Variants in SDHA observed in about 807,000 individuals in gnomAD.
SDHA encodes the protein succinate dehydrogenase [ubiquinone] flavoprotein subunit, mitochondrial.
In SDHA, 48 loss-of-function variants were observed where a neutral mutation model predicts 78.4. The observed-to-expected ratio is 0.61, with a 90% CI of 0.49 to 0.78. The LOEUF is 0.78. SDHA is among the 30% of genes least tolerant of loss of function. The pLI, the probability that SDHA is intolerant of heterozygous loss-of-function variation, is 0.00. For synonymous variants in SDHA, 326 were observed against 353.9 expected, an observed-to-expected ratio of 0.92 and a Z score of 0.88; for missense variants, 680 against 892.7, an observed-to-expected ratio of 0.76 and a Z score of 3.04.
the SDHA span, among the ~76,000 whole-genome samples, chr5:267,960 C>A: frequency 6.6e-6 from 1 of 152,128 alleles, no homozygotes; most frequent in Non-Finnish European, 1.5e-5. Context: ...ATTGGCAATA[C>A]CCCCACCTCT....
At chr5:227,755 A>T (rs113846618) in intron 5 of SDHA, 46,685 of 254,660 alleles carry the variant, frequency 0.18, 7,566 homozygotes, top group African/African-American at 0.52. Flanking sequence ...CTAATGTGGC[A>T]GGTGTAGCTG....
At chr5:262,203 C>A in the SDHA span, among the ~76,000 whole-genome samples, 1 of 71,312 alleles carries the variant, frequency 1.4e-5, no homozygotes, top group South Asian at 4.7e-4. Flanking sequence ...AGAGCATTAC[C>A]GTGTGAGCTC....
intron 11 of SDHA, among the ~76,000 whole-genome samples, chr5:245,949 G>A (rs1008467067): frequency 1.8e-4 from 27 of 151,410 alleles, no homozygotes; most frequent in Non-Finnish European, 3.1e-4. Flanking sequence ...ACTAGCCCTC[G>A]GCTATGCCAT....
At chr5:259,439 A>G (rs1406946784), downstream of SDHA, among the ~76,000 whole-genome samples, 30 of 12,554 alleles carry the variant, frequency 2.4e-3, no homozygotes, top group East Asian at 5.5e-3. Context: ...CCGCCTCCCG[A>G]CAGAGCATTA....
rs774160524 is a variant in SDHA, at chr5:228,269, G to A, written c.706G>A (p.Ala236Thr). ...MENGECRGVI[A>T]LCIEDGSIHR... ...GAATGGGGAGTGCCGTGGTGTCATC[G>A]CACTGTGCATAGAGGACGGGTCCAT... The change falls in exon 6 of 15, where the codon GCA (alanine) becomes ACA (threonine). Residue 236 changes from alanine (A) to threonine (T), a missense_variant. Coordinates refer to ENST00000264932, the MANE Select transcript of SDHA (RefSeq NM_004168.4). 2.6e-5 allele frequency: 42 copies of A among 1,613,570 alleles called. No homozygotes were observed. In the East Asian group the frequency reaches 3.8e-4, roughly 15 times the overall value.
chr5:264,965 T>G, the SDHA span, among the ~76,000 whole-genome samples: 3 of 152,310 alleles, frequency 2.0e-5, no homozygotes, highest in East Asian at 5.8e-4. Context: ...CCCAGCACTT[T>G]GGGAGGCCGA....
At chr5:254,587 G>C in intron 14 of SDHA, 81 bp downstream of exon 14, 3 of 1,481,536 alleles carry the variant, frequency 2.0e-6, no homozygotes, top group Non-Finnish European at 2.7e-6. Flanking sequence ...TGCTGATGGT[G>C]AACGGGGAAG....
At chr5:266,789 C>T in the SDHA span, among the ~76,000 whole-genome samples, 5,529 of 132,002 alleles carry the variant, frequency 0.042, 82 homozygotes, top group Admixed American at 0.058. Context: ...TATTCAGACC[C>T]TCGCCGTCCC....
At chr5:239,960 G>A (rs1431914735) in intron 10 of SDHA, among the ~76,000 whole-genome samples, 1 of 152,056 alleles carries the variant, frequency 6.6e-6, no homozygotes, top group Non-Finnish European at 1.5e-5. Flanking sequence ...AGTGAAACGA[G>A]GTTTTGCCAT....
intron 13 of SDHA, among the ~76,000 whole-genome samples, chr5:252,725 A>G (rs1262572876): frequency 6.7e-6 from 1 of 148,212 alleles, no homozygotes; most frequent in Non-Finnish European, 1.5e-5. Context: ...AGGAAATGCC[A>G]GTTTATTAAA....
At chr5:219,099 A>C (rs1414895453) in intron 1 of SDHA, among the ~76,000 whole-genome samples, 1 of 152,244 alleles carries the variant, frequency 6.6e-6, no homozygotes, top group Non-Finnish European at 1.5e-5. Context: ...GCCACCAAAA[A>C]TGTGCCAGTG....
rs2126543070 is a variant in SDHA, at chr5:224,470, A to G, written c.261A>G (p.Thr87=). Reference sequence around the variant, plus strand: ...GCCTTTCTGAGGCAGGGTTTAATACAGCATGTGTTACCAAGCTGTTTCCTA... The same window carrying G: ...GCCTTTCTGAGGCAGGGTTTAATACGGCATGTGTTACCAAGCTGTTTCCTA... ...AFGLSEAGFN[T]ACVTKLFPTR... The change falls in exon 3 of 15, where the codon ACA becomes ACG. Residue 87 remains threonine, a synonymous_variant. Coordinates refer to ENST00000264932, the MANE Select transcript of SDHA (RefSeq NM_004168.4). 1.2e-6 allele frequency: 2 copies of G among 1,613,398 alleles called. No homozygotes were observed. Among genetic ancestry groups the G allele is most frequent in the South Asian group, 2.2e-5 (2 of 91,044 alleles).
rs1364581133 is a variant in SDHA, at chr5:235,131, T to C, written c.1065-13T>C. 1.9e-6 allele frequency: 3 copies of C among 1,613,470 alleles called. No individual in the cohort carries two copies. The highest frequency in any genetic ancestry group is 1.3e-5 in the African/African-American group (1 of 74,922). On this transcript the variant is annotated splice_polypyrimidine_tract_variant and intron_variant, in intron 8 of 14. Coordinates refer to ENST00000264932, the MANE Select transcript of SDHA (RefSeq NM_004168.4). ...CGTTCTCTGCCGTATGTGATGGTGT[T>C]CTGTCTTACCAGAGGCTGTGGCCCT...
chr5:221,022 C>G lies in SDHA; in HGVS notation c.64-2460C>G, dbSNP rs571450046. ...TAGAGACGGGGTTTCACCATGTTAG[C>G]CAGAATGGTCTCCATCTCCTGACCT... On this transcript the variant is annotated intron_variant, in intron 1 of 14. Transcript: ENST00000264932. Among the ~76,000 whole-genome samples, 10 of 152,142 alleles carry G rather than the reference C, an allele frequency of 6.6e-5. 1 individual carries two copies. Among genetic ancestry groups the G allele is most frequent in the African/African-American group, 2.4e-4 (10 of 41,476 alleles).
intron 13 of SDHA, among the ~76,000 whole-genome samples, chr5:252,642 C>G (rs1736918259): frequency 6.6e-6 from 1 of 150,452 alleles, no homozygotes; most frequent in South Asian, 2.1e-4. Flanking sequence ...GCCACCGTTT[C>G]AAACCTGCCC....
intron 10 of SDHA, among the ~76,000 whole-genome samples, chr5:238,646 C>T (rs1412086213): frequency 3.1e-4 from 47 of 152,218 alleles, no homozygotes; most frequent in Middle Eastern, 6.8e-3. Flanking sequence ...GTTACATGCG[C>T]CTATACATGT....
At chr5:240,893 T>G (rs1173942728) in intron 11 of SDHA, among the ~76,000 whole-genome samples, 2 of 152,084 alleles carry the variant, frequency 1.3e-5, no homozygotes, top group African/African-American at 2.4e-5. Flanking sequence ...ATGGTATATA[T>G]GTACCACATT....
Position 251,008 on chromosome 5 carries a change from C to T in SDHA, c.1568C>T (p.Ala523Val), listed in dbSNP as rs1736785630. 3 of 1,611,962 alleles carry T rather than the reference C, an allele frequency of 1.9e-6. No homozygotes were observed. Among genetic ancestry groups the T allele is most frequent in the Middle Eastern group, 2.3e-4 (1 of 4,430 alleles). Residue 523 changes from alanine (A) to valine (V), a missense_variant, in exon 12 of 15, where the codon GCT becomes GTT. Ala to Val is a moderately conservative substitution (Grantham distance 64). Coordinates refer to ENST00000264932, the MANE Select transcript of SDHA (RefSeq NM_004168.4). ...GTGCCACAGTCAATGCAAAATCATG[C>T]TGCCGTGTTCCGTGTGGGAAGCGTG... is the stretch of plus-strand genomic sequence containing the variant. ...LSMQKSMQNH[A>V]AVFRVGSVLQ...
intron 6 of SDHA, 26 bp from the exon 7 acceptor site, chr5:230,850 C>T (rs1379431396): frequency 3.1e-6 from 5 of 1,613,260 alleles, no homozygotes; most frequent in Admixed American, 3.3e-5. Context: ...CCGCTGTGTG[C>T]AGTCACTGCT....
Sources: allele counts gnomAD v4.1 joint callset (sites outside exome capture counted in the v4.1 genomes callset), GRCh38; gene constraint gnomAD v4.1.1; transcripts MANE v1.5; gene names NCBI Gene and HGNC (gene_info 2026-07-23, HGNC 2026-07-21).